Variants in ANXA8 observed in about 807,000 individuals in gnomAD.
ANXA8 encodes annexin A8, also known as VAC-beta.
ANXA8 carries 9 observed loss-of-function variants against 26.8 expected under a neutral mutation model. The ratio of observed to expected loss-of-function variants is 0.34; its 90% CI spans 0.20 to 0.59. The LOEUF is 0.59. ANXA8 is among the 20% of genes least tolerant of loss of function. ANXA8 has a pLI of 0.84. For synonymous variants in ANXA8, 39 were observed against 94.8 expected (o/e 0.41, Z 3.42); for missense variants, 83 against 238.5 (o/e 0.35, Z 4.29).
At chr10:47,481,634 A>AG (rs1368974500) in intron 1 of ANXA8, among the ~76,000 whole-genome samples, 9 of 152,028 alleles carry the variant, frequency 5.9e-5, no homozygotes, top group African/African-American at 2.2e-4. Flanking sequence ...GCAGTCCCGC[A>AG]GGGGTGCGGT....
chr10:47,553,493 G>GCA, the ANXA8 span: 1 of 160,654 alleles, frequency 6.2e-6, no homozygotes, highest in Admixed American at 6.5e-5. Flanking sequence ...TCACAACTGC[G>GCA]ACTCCTTAGG....
the ANXA8 span, among the ~76,000 whole-genome samples, chr10:47,748,416 T>C: frequency 3.3e-5 from 5 of 151,746 alleles, no homozygotes; most frequent in East Asian, 9.8e-4. Context: ...TTTCACCATG[T>C]TGGCCAGGTT....
the ANXA8 span, among the ~76,000 whole-genome samples, chr10:47,534,730 C>A: frequency 3.0e-5 from 3 of 100,816 alleles, no homozygotes; most frequent in African/African-American, 4.0e-5. Context: ...TCTTGGCTCA[C>A]AGCAACCTCC....
chr10:47,951,622 C>A, the ANXA8 span, among the ~76,000 whole-genome samples: 2 of 150,308 alleles, frequency 1.3e-5, no homozygotes, highest in Non-Finnish European at 2.9e-5. Flanking sequence ...CCAGCCTGGG[C>A]AACATGGTGA....
chr10:47,763,635 G>C, the ANXA8 span: 5 of 218,718 alleles, frequency 2.3e-5, no homozygotes, highest in Admixed American at 3.3e-4. Flanking sequence ...AACGCGCCTT[G>C]CGGGAAAGGC....
the ANXA8 span, among the ~76,000 whole-genome samples, chr10:47,601,052 GT>G: frequency 1.8e-3 from 128 of 71,590 alleles, no homozygotes; most frequent in African/African-American, 7.2e-3. Context: ...TATAATTACA[GT>G]TCCAATAAGA....
the ANXA8 span, among the ~76,000 whole-genome samples, chr10:47,609,177 C>A: frequency 6.9e-6 from 1 of 144,936 alleles, no homozygotes; most frequent in Admixed American, 6.7e-5. Context: ...TCAAAGAATG[C>A]AAAACCAAAA....
chr10:47,899,956 G>A, the ANXA8 span, among the ~76,000 whole-genome samples: 1 of 149,794 alleles, frequency 6.7e-6, no homozygotes, highest in Non-Finnish European at 1.5e-5. Context: ...CTGTATTTAA[G>A]AGTATTTATT....
the ANXA8 span, among the ~76,000 whole-genome samples, chr10:47,671,990 T>A: frequency 5.9e-5 from 9 of 151,802 alleles, no homozygotes; most frequent in South Asian, 2.1e-4. Context: ...TTGAAATCCT[T>A]AGATTTACTG....
chr10:47,770,386 G>A, the ANXA8 span, among the ~76,000 whole-genome samples: 90 of 81,444 alleles, frequency 1.1e-3, no homozygotes, highest in Admixed American at 1.4e-3. Flanking sequence ...AGATGAGCAT[G>A]GCCCAGGGAG....
At chr10:47,922,213 ACCAACCTGCTTATCG>A in the ANXA8 span, 2 of 548,974 alleles carry the variant, frequency 3.6e-6, 1 homozygote, top group Non-Finnish European at 5.2e-6. Flanking sequence ...AGCCAACGTG[ACCAACCTGCTTATCG>A]CCAACCTGGC....
the ANXA8 span, among the ~76,000 whole-genome samples, chr10:47,946,671 TG>T: frequency 6.6e-6 from 1 of 150,772 alleles, no homozygotes; most frequent in Non-Finnish European, 1.5e-5. Flanking sequence ...GTCAGCATTT[TG>T]TTTGTCCTCC....
the ANXA8 span, among the ~76,000 whole-genome samples, chr10:47,954,332 C>T: frequency 6.6e-6 from 1 of 150,964 alleles, no homozygotes; most frequent in African/African-American, 2.4e-5. Flanking sequence ...TTTGTGGGAG[C>T]TAAAAATTAA....
the ANXA8 span, among the ~76,000 whole-genome samples, chr10:47,587,005 G>A: frequency 2.1e-5 from 3 of 146,210 alleles, 1 homozygote; most frequent in African/African-American, 8.3e-5. Flanking sequence ...AAGAGATCAA[G>A]ACCATCCTGG....
chr10:47,930,026 C>T, the ANXA8 span, among the ~76,000 whole-genome samples: 2 of 152,160 alleles, frequency 1.3e-5, no homozygotes, highest in South Asian at 2.1e-4. Flanking sequence ...TCACTTCCCA[C>T]TACCCTTCCC....
chr10:47,951,279 G>A, the ANXA8 span, among the ~76,000 whole-genome samples: 4 of 150,974 alleles, frequency 2.6e-5, no homozygotes, highest in Non-Finnish European at 4.4e-5. Context: ...AACCGTTAAA[G>A]AAATTAACTT....
the ANXA8 span, among the ~76,000 whole-genome samples, chr10:47,548,313 T>TG: frequency 8.8e-5 from 13 of 147,780 alleles, no homozygotes; most frequent in African/African-American, 3.2e-4. Flanking sequence ...ATTTTTTTTT[T>TG]TTTTTGAGAC....
the ANXA8 span, among the ~76,000 whole-genome samples, chr10:47,560,619 G>A: frequency 1.4e-4 from 22 of 152,074 alleles, no homozygotes; most frequent in African/African-American, 5.3e-4. Flanking sequence ...GATTCCCCAT[G>A]TGCGATGTTC....
At chr10:47,953,545 A>C in the ANXA8 span, among the ~76,000 whole-genome samples, 1 of 150,932 alleles carries the variant, frequency 6.6e-6, no homozygotes, top group Admixed American at 6.6e-5. Flanking sequence ...TACTTACTAT[A>C]CAAACCAGAA....
Sources: gnomAD v4.1 joint callset for allele counts (sites outside exome capture counted in the v4.1 genomes callset) on GRCh38, gnomAD v4.1.1 for gene constraint, MANE v1.5 for transcripts, NCBI Gene and HGNC (gene_info 2026-07-23, HGNC 2026-07-21) for gene names.